The following MYO3A variants were observed in gnomAD, a reference collection of about 807,000 sequenced individuals.
MYO3A encodes myosin-IIIa.
In MYO3A, 180 loss-of-function variants were observed where a neutral mutation model predicts 192.7. The observed-to-expected ratio is 0.93, with a 90% CI of 0.83 to 1.06. MYO3A has a LOEUF of 1.06. Among genes scored for constraint, MYO3A ranks in the 50% least tolerant of loss-of-function variants. The pLI is 0.00. For synonymous variants in MYO3A, 628 were observed against 645.3 expected (o/e 0.97, Z 0.41); for missense variants, 1,896 against 1,905.0 (o/e 1.00, Z 0.09).
intron 14 of MYO3A, among the ~76,000 whole-genome samples, chr10:26,075,817 G>GTCTCTCATATATATGATATATATATGTC (rs2131423809): frequency 6.9e-6 from 1 of 144,986 alleles, no homozygotes; most frequent in East Asian, 2.0e-4. Context: ...ATATATATAT[G>GTCTCTCATATATATGATATATATATGTC]TCTCTCATAT....
chr10:26,205,036 G>A (rs1295408423), intron 34 of MYO3A, among the ~76,000 whole-genome samples: 1 of 152,204 alleles, frequency 6.6e-6, no homozygotes, highest in African/African-American at 2.4e-5. Context: ...ATCTTTTTGT[G>A]TATATACACA....
At chr10:25,980,658 C>T (rs1333324977) in intron 4 of MYO3A, among the ~76,000 whole-genome samples, 1 of 151,788 alleles carries the variant, frequency 6.6e-6, no homozygotes, top group Non-Finnish European at 1.5e-5. Context: ...ATTTTGTGTG[C>T]TTCATATTAT....
chr10:26,085,890 A>G (rs1176024892), intron 14 of MYO3A, among the ~76,000 whole-genome samples: 1 of 152,154 alleles, frequency 6.6e-6, no homozygotes, highest in Non-Finnish European at 1.5e-5. Context: ...ATGAGGTGGT[A>G]AAGGTAAGGT....
At chr10:26,123,090 A>G (rs1334371080) in intron 18 of MYO3A, among the ~76,000 whole-genome samples, 5 of 152,216 alleles carry the variant, frequency 3.3e-5, no homozygotes, top group South Asian at 4.1e-4. Flanking sequence ...CCAAACACAC[A>G]TAAATTTAAA....
intron 23 of MYO3A, among the ~76,000 whole-genome samples, chr10:26,149,017 T>C (rs1318087535): frequency 6.6e-6 from 1 of 152,132 alleles, no homozygotes; most frequent in Non-Finnish European, 1.5e-5. Context: ...ATCACCAGTG[T>C]TGAACACAGG....
At position 26,029,674 on chromosome 10, in the gene MYO3A, C is replaced by A. The variant is rs543988718; in HGVS notation, c.953+3142C>A. On this transcript the variant is annotated intron_variant, in intron 10 of 34. Transcript: ENST00000642920. ...ATCTGACTTTTTATGTCTGGCTATT[C>A]ATTTTTTCTTTTGGGGGAATGTAAT... 3.9e-5 allele frequency among the ~76,000 whole-genome samples: 6 copies of A among 152,058 alleles called. No homozygotes were observed. In the South Asian group the frequency reaches 1.2e-3, roughly 32 times the overall value.
intron 2 of MYO3A, among the ~76,000 whole-genome samples, chr10:25,943,268 C>T (rs1244876226): frequency 6.6e-6 from 1 of 151,984 alleles, no homozygotes; most frequent in Admixed American, 6.6e-5. Flanking sequence ...TGTACCAGTA[C>T]CACAATGATT....
At position 26,020,382 on chromosome 10, in the gene MYO3A, C is replaced by A. The variant is rs555369213; in HGVS notation, c.586-1121C>A. Among the ~76,000 whole-genome samples the A allele has an allele frequency of 4.6e-5, 7 of 152,312 alleles. No individual in the cohort carries two copies. In the East Asian group the frequency reaches 1.3e-3, roughly 29 times the overall value. On this transcript the variant is annotated intron_variant, in intron 7 of 34. Coordinates refer to ENST00000642920, the MANE Select transcript of MYO3A (RefSeq NM_017433.5). ...TAAAGATTTATTTATGAAGTAGTCACCTTTCCTGGATGACATGGGTGTAAA... is the reference window on the plus strand; with the variant it reads ...TAAAGATTTATTTATGAAGTAGTCAACTTTCCTGGATGACATGGGTGTAAA...
At chr10:26,207,260 A>G (rs908007971) in intron 34 of MYO3A, among the ~76,000 whole-genome samples, 10 of 152,070 alleles carry the variant, frequency 6.6e-5, no homozygotes, top group African/African-American at 2.4e-4. Flanking sequence ...TTTTGTTGCC[A>G]GTGCTTTTGA....
chr10:26,192,655 C>CT (rs35651453), intron 31 of MYO3A, among the ~76,000 whole-genome samples: 78,410 of 130,786 alleles, frequency 0.6, 23,789 homozygotes, highest in Middle Eastern at 0.67. Context: ...CCTTTCTTTC[C>CT]TTTTTTTTTT....
chr10:26,199,402 A>T (rs569632091), intron 32 of MYO3A, among the ~76,000 whole-genome samples: 6 of 152,000 alleles, frequency 3.9e-5, no homozygotes, highest in Non-Finnish European at 8.8e-5. Flanking sequence ...AAACTACAAA[A>T]ATTACCTGGG....
At chr10:26,065,686 T>C (rs1217760907) in intron 10 of MYO3A, among the ~76,000 whole-genome samples, 1 of 150,942 alleles carries the variant, frequency 6.6e-6, no homozygotes, top group African/African-American at 2.4e-5. Flanking sequence ...AAACTGGAAG[T>C]CAGGGGAGGC....
At chr10:26,182,754 A>G (rs570976692) in intron 31 of MYO3A, among the ~76,000 whole-genome samples, 15 of 152,208 alleles carry the variant, frequency 9.9e-5, no homozygotes, top group Non-Finnish European at 1.8e-4. Context: ...GCAAATAAAC[A>G]TGTATTTTGG....
Position 26,192,192 on chromosome 10 carries a change from G to A in MYO3A, c.4439-1013G>A, listed in dbSNP as rs568327652. 2.6e-5 allele frequency among the ~76,000 whole-genome samples: 4 copies of A among 152,252 alleles called. No individual in the cohort carries two copies. The South Asian group carries it at 6.2e-4, about 24-fold the overall frequency. On this transcript the variant is annotated intron_variant, in intron 31 of 34. Coordinates refer to ENST00000642920, the MANE Select transcript of MYO3A (RefSeq NM_017433.5). Reference sequence around the variant, plus strand: ...TGTACAGATCACCAGAGGCTCTGACGGTGTTGCTCCCGGTTTGAGATCTTG... The same window carrying A: ...TGTACAGATCACCAGAGGCTCTGACAGTGTTGCTCCCGGTTTGAGATCTTG...
At chr10:26,082,996 T>C (rs1836065863) in intron 14 of MYO3A, among the ~76,000 whole-genome samples, 1 of 152,192 alleles carries the variant, frequency 6.6e-6, no homozygotes, top group Non-Finnish European at 1.5e-5. Flanking sequence ...CTAGCACAAG[T>C]TTCTTTTTCC....
intron 17 of MYO3A, among the ~76,000 whole-genome samples, chr10:26,102,994 C>T (rs910814460): frequency 6.6e-6 from 1 of 152,250 alleles, no homozygotes; most frequent in African/African-American, 2.4e-5. Context: ...GCCCTTCCCC[C>T]AGAGGTGGAG....
At chr10:25,958,473 A>G (rs1421748931) in intron 4 of MYO3A, among the ~76,000 whole-genome samples, 1 of 152,140 alleles carries the variant, frequency 6.6e-6, no homozygotes, top group African/African-American at 2.4e-5. Flanking sequence ...AAACAGTACC[A>G]TGCTGTTTTG....
intron 6 of MYO3A, among the ~76,000 whole-genome samples, chr10:26,003,758 C>T (rs752301928): frequency 2.0e-5 from 3 of 152,122 alleles, no homozygotes; most frequent in Admixed American, 6.5e-5. Flanking sequence ...GCGGATTTCT[C>T]TCTGGGGAAC....
intron 4 of MYO3A, among the ~76,000 whole-genome samples, chr10:25,959,604 A>C (rs1199774793): frequency 6.6e-6 from 1 of 152,026 alleles, no homozygotes; most frequent in Non-Finnish European, 1.5e-5. Context: ...CCTCTTTGAT[A>C]TCTCTCTGCT....
Sources: allele counts gnomAD v4.1 joint callset (sites outside exome capture counted in the v4.1 genomes callset), GRCh38; gene constraint gnomAD v4.1.1; transcripts MANE v1.5; gene names NCBI Gene and HGNC (gene_info 2026-07-23, HGNC 2026-07-21).